EYS: variants seen among roughly 807,000 people sequenced by gnomAD.
EYS encodes EGF-like photoreceptor maintenance factor, also known as protein eyes shut homolog.
In EYS, 250 loss-of-function variants were observed where a neutral mutation model predicts 282.1. That is an observed-to-expected ratio of 0.89 (90% CI 0.80 to 0.98). The LOEUF (loss-of-function observed/expected upper bound fraction) is 0.98. Ranked by LOEUF, EYS falls within the 50% of genes least tolerant of loss-of-function variation. EYS has a pLI of 0.00. For synonymous variants in EYS, 1,355 were observed against 1,282.9 expected (o/e 1.06, Z -1.20); for missense variants, 4,016 against 3,709.0 (o/e 1.08, Z -2.15).
intron 22 of EYS, among the ~76,000 whole-genome samples, chr6:64,793,945 A>G (rs1774268160): frequency 6.6e-6 from 1 of 152,182 alleles, no homozygotes; most frequent in African/African-American, 2.4e-5. Flanking sequence ...TCTAGAACTT[A>G]TTTATTTTGC....
chr6:65,178,652 A>C (rs891922310), intron 12 of EYS, among the ~76,000 whole-genome samples: 1 of 151,912 alleles, frequency 6.6e-6, no homozygotes, highest in Non-Finnish European at 1.5e-5. Context: ...GACAGATCAA[A>C]GAGACAGAAA....
chr6:64,317,955 A>G (rs1025117924), intron 29 of EYS, among the ~76,000 whole-genome samples: 6 of 152,044 alleles, frequency 3.9e-5, no homozygotes, highest in African/African-American at 1.4e-4. Context: ...GTATGTCCTC[A>G]CTCATAAGTG....
intron 35 of EYS, among the ~76,000 whole-genome samples, chr6:63,889,581 T>G (rs1216444684): frequency 6.6e-6 from 1 of 152,226 alleles, no homozygotes; most frequent in Non-Finnish European, 1.5e-5. Flanking sequence ...TGAAGGATTT[T>G]GTCACCACTA....
At chr6:65,300,944 C>T (rs1213608950) in intron 11 of EYS, 1 of 152,160 alleles carries the variant, frequency 6.6e-6, no homozygotes, top group Admixed American at 6.5e-5. Flanking sequence ...ACAGGCTGTT[C>T]GCACAGATAA....
chr6:65,140,749 C>A (rs1423721119), intron 12 of EYS, among the ~76,000 whole-genome samples: 1 of 152,080 alleles, frequency 6.6e-6, no homozygotes, highest in African/African-American at 2.4e-5. Flanking sequence ...AAACGCTCAT[C>A]ATCACTGGCC....
intron 35 of EYS, among the ~76,000 whole-genome samples, chr6:63,892,722 G>T (rs1773439702): frequency 6.6e-6 from 1 of 152,020 alleles, no homozygotes; most frequent in African/African-American, 2.4e-5. Context: ...AAGCCAAAAT[G>T]GACAAATGGG....
rs149213300 is a variant in EYS at position 64,897,281 on chromosome 6, G to T, written c.2846+4832C>A. Among the ~76,000 whole-genome samples the T allele has an allele frequency of 3.0e-3, 460 of 152,232 alleles. 1 individual carries two copies. The highest frequency in any genetic ancestry group is 4.8e-3 in the Admixed American group (73 of 15,288). On this transcript the variant is annotated intron_variant, in intron 18 of 42. Transcript: ENST00000503581. ...AGCAGGCAACAATATTTGCCTTTCT[G>T]CAGCCTCCACTGGTGATACCCAGGC...
intron 12 of EYS, among the ~76,000 whole-genome samples, chr6:65,262,593 T>C (rs1562057596): frequency 6.6e-6 from 1 of 152,094 alleles, no homozygotes; most frequent in Non-Finnish European, 1.5e-5. Context: ...TGATGGAAGA[T>C]ATAATTTCTT....
chr6:63,787,060 T>C (rs750334576), intron 39 of EYS: 7 of 152,192 alleles, frequency 4.6e-5, no homozygotes, highest in Admixed American at 6.5e-5. Context: ...GAATTTTCTA[T>C]AAGACTGTGG....
chr6:64,034,147 A>G (rs1352645849), intron 33 of EYS, among the ~76,000 whole-genome samples: 1 of 152,204 alleles, frequency 6.6e-6, no homozygotes, highest in Non-Finnish European at 1.5e-5. Context: ...AGGGTCCAGT[A>G]AGTGTTAGAT....
intron 22 of EYS, among the ~76,000 whole-genome samples, chr6:64,698,642 C>G (rs1407747163): frequency 6.6e-6 from 1 of 151,948 alleles, no homozygotes; most frequent in Non-Finnish European, 1.5e-5. Flanking sequence ...AAGAGAAAAA[C>G]AATCTCATTA....
rs116053419 is a variant in EYS, at chr6:64,466,224, T to C, written c.5645-26872A>G. 3.8e-3 allele frequency among the ~76,000 whole-genome samples: 573 copies of C among 152,184 alleles called. 3 individuals are homozygous for C. The highest frequency in any genetic ancestry group is 0.013 in the African/African-American group (547 of 41,538). ...AAGAAAATAAAAAATAGCACTATAATATAATCTAGCAATCCCACTCCTGGG... is the reference window on the plus strand; with the variant it reads ...AAGAAAATAAAAAATAGCACTATAACATAATCTAGCAATCCCACTCCTGGG... On this transcript the variant is annotated intron_variant, in intron 26 of 42. Coordinates refer to ENST00000503581, the MANE Select transcript of EYS (RefSeq NM_001142800.2).
chr6:64,238,489 C>T (rs1424098248), intron 30 of EYS, among the ~76,000 whole-genome samples: 3 of 152,068 alleles, frequency 2.0e-5, no homozygotes, highest in Non-Finnish European at 4.4e-5. Context: ...GTACCCCTCA[C>T]CCTGTATTGT....
intron 2 of EYS, among the ~76,000 whole-genome samples, chr6:65,582,320 T>A (rs1764903335): frequency 6.6e-6 from 1 of 152,122 alleles, no homozygotes; most frequent in South Asian, 2.1e-4. Context: ...ATACTTTATA[T>A]TACTTCATGA....
intron 18 of EYS, among the ~76,000 whole-genome samples, chr6:64,891,282 G>A (rs933601831): frequency 3.9e-5 from 6 of 151,932 alleles, no homozygotes; most frequent in South Asian, 2.1e-4. Context: ...AAATTTGTGC[G>A]AAAATAACAT....
intron 41 of EYS, among the ~76,000 whole-genome samples, chr6:63,729,762 C>T (rs1020935407): frequency 1.3e-5 from 2 of 152,112 alleles, no homozygotes; most frequent in African/African-American, 2.4e-5. Flanking sequence ...CCCTATCTCT[C>T]TAGCTTCATG....
chr6:64,449,433 C>T (rs1196441819), intron 26 of EYS, among the ~76,000 whole-genome samples: 1 of 152,076 alleles, frequency 6.6e-6, no homozygotes, highest in Non-Finnish European at 1.5e-5. Flanking sequence ...AAACACTCTG[C>T]AGGATATTAC....
intron 13 of EYS, among the ~76,000 whole-genome samples, chr6:65,054,425 A>G (rs992544454): frequency 2.6e-5 from 4 of 152,170 alleles, no homozygotes; most frequent in African/African-American, 9.6e-5. Flanking sequence ...AGATATTTTT[A>G]TGAACCACAT....
At chr6:65,359,210 G>A (rs1764605443) in intron 8 of EYS, among the ~76,000 whole-genome samples, 1 of 152,020 alleles carries the variant, frequency 6.6e-6, no homozygotes, top group African/African-American at 2.4e-5. Context: ...AAAAAGGAAA[G>A]TAATCTATTT....
Sources: gnomAD v4.1 joint callset for allele counts (sites outside exome capture counted in the v4.1 genomes callset) on GRCh38, gnomAD v4.1.1 for gene constraint, MANE v1.5 for transcripts, NCBI Gene and HGNC (gene_info 2026-07-23, HGNC 2026-07-21) for gene names.